TEX9: variants seen among roughly 807,000 people sequenced by gnomAD.
TEX9 encodes testis expressed 9.
In TEX9, 74 loss-of-function variants were observed where a neutral mutation model predicts 59.6. The observed-to-expected ratio is 1.24, with a 90% CI of 1.03 to 1.51. The LOEUF (loss-of-function observed/expected upper bound fraction) is 1.51. Ranked by LOEUF, TEX9 falls within the 40% of genes most tolerant of loss-of-function variation. The pLI, the probability that TEX9 is intolerant of heterozygous loss-of-function variation, is 0.00. For missense variants in TEX9, 522 were observed against 447.8 expected (o/e 1.17, Z -1.49); for synonymous variants, 186 against 152.2 (o/e 1.22, Z -1.64).
chr15:56,273,606 A>C (rs377305806), intron 1 of TEX9, among the ~76,000 whole-genome samples: 2 of 151,738 alleles, frequency 1.3e-5, no homozygotes, highest in African/African-American at 4.8e-5. Flanking sequence ...ATTTCTGTCT[A>C]GCTCTGATTC....
chr15:56,319,820 A>T (rs188046015), intron 1 of TEX9, among the ~76,000 whole-genome samples: 1 of 152,304 alleles, frequency 6.6e-6, no homozygotes, highest in Non-Finnish European at 1.5e-5. Flanking sequence ...GATGGGGGGA[A>T]GTTGGAAAAT....
At chr15:56,455,957 T>TG in the TEX9 span, among the ~76,000 whole-genome samples, 2 of 151,858 alleles carry the variant, frequency 1.3e-5, no homozygotes, top group Non-Finnish European at 2.9e-5. Context: ...TTTAAAACAA[T>TG]GGGGGGGAAG....
At chr15:56,247,341 A>T (rs1468668409) in intron 1 of TEX9, among the ~76,000 whole-genome samples, 1 of 152,212 alleles carries the variant, frequency 6.6e-6, no homozygotes, top group Non-Finnish European at 1.5e-5. Context: ...ATGAGTTATA[A>T]ACATATCCAC....
intron 12 of TEX9, chr15:56,443,853 C>G (rs754190232): frequency 6.3e-7 from 1 of 1,592,322 alleles, no homozygotes; most frequent in African/African-American, 1.4e-5. Context: ...TGTTGTTTTT[C>G]CCTGAAAAGC....
intron 1 of TEX9, among the ~76,000 whole-genome samples, chr15:56,277,669 T>C (rs2044705043): frequency 6.6e-6 from 1 of 152,266 alleles, no homozygotes; most frequent in Admixed American, 6.5e-5. Flanking sequence ...TGGTTCCATA[T>C]GAAATTCAAA....
rs115047956 is a variant in TEX9 at position 56,291,569 on chromosome 15, T to C, written c.-107+47291T>C. On this transcript the variant is annotated intron_variant, in intron 1 of 5. Coordinates refer to the TEX9 transcript ENST00000560827. ...ACTTATCATTTCTTTGTGGTGAGAA[T>C]ACTTAAAGTCTACTCTCTTAGCATT... Among the ~76,000 whole-genome samples the C allele has an allele frequency of 4.5e-3, 689 of 152,336 alleles. 8 individuals carry two copies. The highest frequency in any genetic ancestry group is 0.016 in the African/African-American group (657 of 41,570).
At chr15:56,354,542 A>T (rs2046650092) in intron 1 of TEX9, among the ~76,000 whole-genome samples, 1 of 152,196 alleles carries the variant, frequency 6.6e-6, no homozygotes, top group Non-Finnish European at 1.5e-5. Context: ...ATTACTGGAG[A>T]TAAAGAGATT....
chr15:56,418,115 T>A (rs902010443), intron 10 of TEX9, among the ~76,000 whole-genome samples: 7 of 151,868 alleles, frequency 4.6e-5, no homozygotes, highest in Non-Finnish European at 1.0e-4. Flanking sequence ...ACCATTTGAG[T>A]CTTGCTTTTT....
chr15:56,404,687 G>T (rs1407223956), intron 9 of TEX9, among the ~76,000 whole-genome samples: 1 of 152,188 alleles, frequency 6.6e-6, no homozygotes, highest in Non-Finnish European at 1.5e-5. Flanking sequence ...GCACACGTAT[G>T]TTTATTGTGG....
upstream of TEX9, among the ~76,000 whole-genome samples, chr15:56,363,238 T>C (rs2046823247): frequency 1.3e-5 from 2 of 151,986 alleles, no homozygotes; most frequent in South Asian, 4.1e-4. Flanking sequence ...CAAGTTTCTC[T>C]ACATCCTCCT....
chr15:56,306,656 T>C (rs182104158), intron 1 of TEX9, among the ~76,000 whole-genome samples: 2 of 152,252 alleles, frequency 1.3e-5, no homozygotes, highest in Admixed American at 6.5e-5. Flanking sequence ...GATACAAAAA[T>C]ATGGTTAGAC....
At chr15:56,460,008 AAATAC>A in the TEX9 span, among the ~76,000 whole-genome samples, 7 of 55,796 alleles carry the variant, frequency 1.3e-4, no homozygotes, top group Admixed American at 2.3e-4. Flanking sequence ...AAAAAAAAAA[AAATAC>A]ATATATATAT....
At chr15:56,388,423 G>T (rs1174997165) in intron 4 of TEX9, 49 bp from the exon 5 acceptor site, 24 of 1,377,252 alleles carry the variant, frequency 1.7e-5, no homozygotes, top group Non-Finnish European at 2.4e-5. Context: ...CATTGTCTCA[G>T]CTCAGTGTCA....
intron 1 of TEX9, among the ~76,000 whole-genome samples, chr15:56,340,705 G>A (rs563166113): frequency 2.6e-4 from 40 of 152,140 alleles, no homozygotes; most frequent in African/African-American, 9.6e-4. Context: ...CTGAACTCCT[G>A]CAGCTCATTT....
chr15:56,388,517 T>C lies in TEX9; in HGVS notation c.309T>C (p.Thr103=), dbSNP rs373753687. ...GGATAGTTCATCTTCATTCAGAAACTAAGGTATGAAATCAAACTTTCTGTG... is the reference window on the plus strand; with the variant it reads ...GGATAGTTCATCTTCATTCAGAAACCAAGGTATGAAATCAAACTTTCTGTG... Residue 103 remains threonine, a synonymous_variant, in exon 5 of 13, where the codon ACT becomes ACC. Coordinates refer to ENST00000352903, the Ensembl canonical transcript of TEX9. The C allele has an allele frequency of 3.7e-6, 6 of 1,611,346 alleles. No homozygotes were observed. In the African/African-American group the frequency reaches 6.7e-5, roughly 18 times the overall value.
chr15:56,401,346 C>A (rs2048770786), intron 9 of TEX9, among the ~76,000 whole-genome samples: 1 of 141,010 alleles, frequency 7.1e-6, no homozygotes, highest in South Asian at 2.3e-4. Context: ...GGGTTGCAAT[C>A]CTAGCCTCTG....
chr15:56,402,204 G>T (rs1438307730), intron 9 of TEX9, among the ~76,000 whole-genome samples: 4 of 151,982 alleles, frequency 2.6e-5, no homozygotes, highest in Non-Finnish European at 5.9e-5. Flanking sequence ...CTGGCTTTTT[G>T]AATTTTGTCT....
intron 12 of TEX9, among the ~76,000 whole-genome samples, chr15:56,445,040 C>T (rs1377317133): frequency 6.6e-6 from 1 of 152,020 alleles, no homozygotes; most frequent in Non-Finnish European, 1.5e-5. Flanking sequence ...CAATTTTCAT[C>T]GTTTTTAGCT....
the TEX9 span, among the ~76,000 whole-genome samples, chr15:56,458,283 C>A: frequency 3.6e-4 from 55 of 151,800 alleles, no homozygotes; most frequent in Admixed American, 1.1e-3. Flanking sequence ...AGTTCCAGAG[C>A]CTTAAAAAAA....
Sources: gnomAD v4.1 joint callset for allele counts (sites outside exome capture counted in the v4.1 genomes callset) on GRCh38, gnomAD v4.1.1 for gene constraint, MANE v1.5 for transcripts, NCBI Gene and HGNC (gene_info 2026-07-23, HGNC 2026-07-21) for gene names.